The following CDK12 variants were observed in gnomAD, a reference collection of about 807,000 sequenced individuals.
CDK12 encodes the protein cyclin dependent kinase 12.
CDK12 carries 17 observed loss-of-function variants against 133.8 expected under a neutral mutation model. That is an observed-to-expected ratio of 0.13 (90% CI 0.09 to 0.19). The LOEUF (loss-of-function observed/expected upper bound fraction) is 0.19, where lower values mean the gene tolerates loss of function less well. Ranked by LOEUF, CDK12 falls within the 10% of genes least tolerant of loss-of-function variation. The pLI, the probability that CDK12 is intolerant of heterozygous loss-of-function variation, is 1.00. For synonymous variants in CDK12, 694 were observed against 683.6 expected (o/e 1.02, Z -0.24); for missense variants, 1,508 against 1,818.7 (o/e 0.83, Z 3.11).
In CDK12 at chr17:39,530,647, GC is replaced by G; in HGVS notation, c.3810del (p.Gly1271AspfsTer23). 5 of 1,605,842 alleles carry G rather than the reference GC, an allele frequency of 3.1e-6. No homozygotes were observed. The highest frequency in any genetic ancestry group is 2.2e-5 in the East Asian group (1 of 44,672). The stretch of plus-strand genomic sequence containing the variant: ...TTCCACCAGAGAAGAGGCCCCCTGA[GC>G]CCCCCGGACCTCCACCGCCGCCACC... ...ILPPEKRPPE[P>X]PGPPPPPPPP... On this transcript the variant is annotated frameshift_variant, in exon 14 of 14. Transcript: ENST00000447079. LOFTEE classifies it high-confidence loss of function.
intron 4 of CDK12, 98 bp downstream of exon 4, chr17:39,492,988 T>C: frequency 1.2e-6 from 1 of 866,564 alleles, no homozygotes; most frequent in South Asian, 2.0e-5. Context: ...TGAGGTGTTT[T>C]GTTTGTTTGT....
downstream of CDK12, chr17:39,534,678 C>G (rs2055051395): frequency 5.0e-6 from 1 of 201,010 alleles, no homozygotes; most frequent in Non-Finnish European, 1.0e-5. Context: ...CATTAACTCC[C>G]CCTCCCAGCA....
chr17:39,463,928 T>C (rs1048052823), intron 1 of CDK12, among the ~76,000 whole-genome samples: 4 of 152,212 alleles, frequency 2.6e-5, no homozygotes, highest in East Asian at 1.9e-4. Context: ...ATGTATCTCC[T>C]TTGTGGCCTC....
In CDK12 at chr17:39,461,522, T is replaced by C. The variant is rs1284228993; in HGVS notation, c.-550T>C. 3 of 237,358 alleles carry C rather than the reference T, an allele frequency of 1.3e-5. No individual in the cohort carries two copies. The highest frequency in any genetic ancestry group is 2.5e-5 in the Non-Finnish European group (3 of 120,306). 14.7% of individuals were successfully genotyped at this position (237,358 alleles called of 1,614,324 possible). ...CGGTTTAATCTAGTGTGTGACTGGGTCTGTGTGAGGGAGAGAGTGTGTGTG... is the reference window on the plus strand; with the variant it reads ...CGGTTTAATCTAGTGTGTGACTGGGCCTGTGTGAGGGAGAGAGTGTGTGTG... On this transcript the variant is annotated 5_prime_UTR_variant, in exon 1 of 14. Coordinates refer to ENST00000447079, the MANE Select transcript of CDK12 (RefSeq NM_016507.4).
intron 5 of CDK12, among the ~76,000 whole-genome samples, chr17:39,497,833 G>A (rs989622990): frequency 8.6e-5 from 13 of 151,948 alleles, no homozygotes; most frequent in African/African-American, 2.4e-5. Context: ...TCTAACTCCT[G>A]GGCTCAAGCA....
In CDK12 at chr17:39,509,720, A is replaced by G; in HGVS notation, c.2625A>G (p.Leu875=). ...TGTTTTACAGTGGGCAAATCAAACT[A>G]GCAGATTTTGGACTTGCTCGGCTCT... ...ILLNNSGQIK[L]ADFGLARLYN... Residue 875 remains leucine, a synonymous_variant, in exon 7 of 14, where the codon CTA becomes CTG. Transcript: ENST00000447079. 1.2e-6 allele frequency: 2 copies of G among 1,613,024 alleles called. No homozygotes were observed. The highest frequency in any genetic ancestry group is 1.7e-6 in the Non-Finnish European group (2 of 1,178,938).
intron 2 of CDK12, among the ~76,000 whole-genome samples, chr17:39,486,397 C>A (rs2051136609): frequency 6.6e-6 from 1 of 151,548 alleles, no homozygotes; most frequent in African/African-American, 2.4e-5. Context: ...TCGATAGTAG[C>A]TGGGACCAGA....
At position 39,471,159 on chromosome 17, in the gene CDK12, G is replaced by C; in HGVS notation, c.1327G>C (p.Glu443Gln). ...SSVEAKDSGL[E>Q]SKKLPRSVKL... is the part of the protein sequence containing the mutation. ...AGTAGAGGCTAAGGATTCAGGTTTG[G>C]AGTCTAAAAAGTTACCCAGAAGTGT... Residue 443 changes from glutamate (E) to glutamine (Q), a missense_variant, in exon 2 of 14, where the codon GAG (glutamate) becomes CAG (glutamine). By Grantham distance (29) the Glu-to-Gln change is conservative (BLOSUM62 2). This residue lies in a region of CDK12 where 347 missense variants were observed against 330.8 expected (regional missense o/e 1.05). Coordinates refer to ENST00000447079, the MANE Select transcript of CDK12 (RefSeq NM_016507.4). 6.3e-7 allele frequency: 1 copy of C among 1,583,288 alleles called. No homozygotes were observed. The highest frequency in any genetic ancestry group is 8.6e-7 in the Non-Finnish European group (1 of 1,169,094).
At chr17:39,498,849 C>A in intron 5 of CDK12, among the ~76,000 whole-genome samples, 2 of 151,274 alleles carry the variant, frequency 1.3e-5, no homozygotes, top group African/African-American at 2.4e-5. Flanking sequence ...TCATTTTTCT[C>A]TCAATTTTTA....
At chr17:39,466,561 C>T (rs12940881) in intron 1 of CDK12, among the ~76,000 whole-genome samples, 7,418 of 125,588 alleles carry the variant, frequency 0.059, 629 homozygotes, top group African/African-American at 0.2. Context: ...TTGAGGTGAG[C>T]CGCGATTGCA....
chr17:39,490,820 C>G, intron 3 of CDK12, 87 bp downstream of exon 3: 1 of 944,632 alleles, frequency 1.1e-6, no homozygotes, highest in South Asian at 2.6e-5. Flanking sequence ...ATAACCCACA[C>G]CAGTAAGATC....
At chr17:39,517,159 T>C (rs768890836) in intron 9 of CDK12, among the ~76,000 whole-genome samples, 1 of 152,178 alleles carries the variant, frequency 6.6e-6, no homozygotes, top group African/African-American at 2.4e-5. Flanking sequence ...AATAAAAACC[T>C]GTATGGGGGG....
At chr17:39,538,956 A>C (rs34745517), downstream of CDK12, among the ~76,000 whole-genome samples, 7,832 of 139,358 alleles carry the variant, frequency 0.056, 610 homozygotes, top group African/African-American at 0.19. Flanking sequence ...TACATACATA[A>C]GGCTAGTATC....
intron 8 of CDK12, among the ~76,000 whole-genome samples, chr17:39,512,701 T>C (rs1272090418): frequency 1.3e-5 from 2 of 152,234 alleles, no homozygotes; most frequent in African/African-American, 4.8e-5. Context: ...CATTTCTTAT[T>C]GGAATACTTA....
rs2144891790 is a variant in CDK12 at position 39,462,708 on chromosome 17, G to A, written c.637G>A (p.Val213Met). 2 of 1,614,230 alleles carry A rather than the reference G, an allele frequency of 1.2e-6. No individual in the cohort carries two copies. Among genetic ancestry groups the A allele is most frequent in the Non-Finnish European group, 8.5e-7 (1 of 1,180,044 alleles). The change falls in exon 1 of 14, where the codon GTG (valine) becomes ATG (methionine). Residue 213 changes from valine (V) to methionine (M), a missense_variant. Around this residue, in one of 9 missense-constraint regions of CDK12, gnomAD observed 460 missense variants for 490.8 expected, o/e 0.94. Transcript: ENST00000447079. ...KRETPKSYKT[V>M]DSPKRRSRSP... ...GGAAACACCCAAAAGTTACAAAACA[G>A]TGGACAGCCCAAAACGGAGATCCAG...
At chr17:39,540,763 G>T (rs2055369083) in intron 1 of CDK12, among the ~76,000 whole-genome samples, 1 of 151,994 alleles carries the variant, frequency 6.6e-6, no homozygotes, top group Admixed American at 6.5e-5. Context: ...GTCGGCGGGG[G>T]ACTCTTTAGT....
intron 5 of CDK12, among the ~76,000 whole-genome samples, chr17:39,498,520 G>GCCATCCTT (rs1181148787): frequency 6.6e-6 from 1 of 152,106 alleles, no homozygotes; most frequent in Non-Finnish European, 1.5e-5. Flanking sequence ...GCCGCGCCCG[G>GCCATCCTT]CCATCCTTCT....
At chr17:39,490,046 T>A (rs1402067626) in intron 2 of CDK12, among the ~76,000 whole-genome samples, 1 of 151,846 alleles carries the variant, frequency 6.6e-6, no homozygotes, top group East Asian at 1.9e-4. Context: ...TCATTGTTTT[T>A]AAAATATACT....
In CDK12 at chr17:39,526,289, C is replaced by A. The variant is rs753164423; in HGVS notation, c.3733C>A (p.Pro1245Thr). 6.3e-7 allele frequency: 1 copy of A among 1,598,648 alleles called. No individual in the cohort carries two copies. Among genetic ancestry groups the A allele is most frequent in the Non-Finnish European group, 8.5e-7 (1 of 1,173,286 alleles). Reference sequence around the variant, plus strand: ...TGGGCCACAGGGGCCCCGAAGAACTCCCACAATGCCACAGGAGGAGGCAGC... The same window carrying A: ...TGGGCCACAGGGGCCCCGAAGAACTACCACAATGCCACAGGAGGAGGCAGC... The part of the protein sequence containing the change: ...NSGPQGPRRT[P>T]TMPQEEAAAC... The change falls in exon 13 of 14, where the codon CCC (proline) becomes ACC (threonine). Residue 1245 changes from proline to threonine, a missense_variant. Coordinates refer to ENST00000447079, the MANE Select transcript of CDK12 (RefSeq NM_016507.4).
Sources: gnomAD v4.1 joint callset for allele counts (sites outside exome capture counted in the v4.1 genomes callset) on GRCh38, gnomAD v4.1.1 for gene constraint, gnomAD v4.1.1 regional missense constraint, MANE v1.5 for transcripts, NCBI Gene and HGNC (gene_info 2026-07-23, HGNC 2026-07-21) for gene names.